Variants in ATP6V1C2 observed in about 807,000 individuals in gnomAD.
ATP6V1C2 encodes ATPase H+ transporting V1 subunit C2.
In ATP6V1C2, 45 loss-of-function variants were observed where a neutral mutation model predicts 56.8. The ratio of observed to expected loss-of-function variants is 0.79; its 90% CI spans 0.62 to 1.02. The LOEUF is 1.02. Ranked by LOEUF, ATP6V1C2 falls within the 50% of genes least tolerant of loss-of-function variation. The pLI, the probability that ATP6V1C2 is intolerant of heterozygous loss-of-function variation, is 0.00. For missense variants in ATP6V1C2, 463 were observed against 519.7 expected, an observed-to-expected ratio of 0.89 and a Z score of 1.06; for synonymous variants, 220 against 201.3, an observed-to-expected ratio of 1.09 and a Z score of -0.79.
chr2:10,754,857 G>A (rs929228509), intron 4 of ATP6V1C2, among the ~76,000 whole-genome samples: 3 of 152,116 alleles, frequency 2.0e-5, no homozygotes, highest in South Asian at 2.1e-4. Context: ...GATTACAGGC[G>A]TGAGCCACCG....
intron 3 of ATP6V1C2, among the ~76,000 whole-genome samples, chr2:10,735,637 A>G (rs1396004757): frequency 6.8e-6 from 1 of 146,556 alleles, no homozygotes. Flanking sequence ...TCTGTCACCC[A>G]TGCTAGTGTT....
At position 10,754,022 on chromosome 2, in the gene ATP6V1C2, A is replaced by C; in HGVS notation, c.239A>C (p.Glu80Ala). ...RMAQSVVEVM[E>A]DSKGKVQEHL... Reference sequence around the variant, plus strand: ...GCTCAGAGCGTGGTGGAAGTCATGGAGGACTCAAAGGGGAAGGTCCAGGAG... The same window carrying C: ...GCTCAGAGCGTGGTGGAAGTCATGGCGGACTCAAAGGGGAAGGTCCAGGAG... Residue 80 changes from glutamate (E) to alanine (A), a missense_variant, in exon 4 of 14, where the codon GAG (glutamate) becomes GCG (alanine). Glu to Ala is a moderately radical substitution (Grantham distance 107). Coordinates refer to ENST00000272238, the MANE Select transcript of ATP6V1C2 (RefSeq NM_001039362.2). 6.2e-7 allele frequency: 1 copy of C among 1,607,992 alleles called. No individual in the cohort carries two copies. Among genetic ancestry groups the C allele is most frequent in the Non-Finnish European group, 8.5e-7 (1 of 1,176,660 alleles).
intron 4 of ATP6V1C2, 104 bp downstream of exon 4, chr2:10,754,170 C>A: frequency 1.1e-6 from 1 of 874,480 alleles, no homozygotes; most frequent in Non-Finnish European, 1.8e-6. Flanking sequence ...TGGCCCAGGT[C>A]TCAGTGGATG....
At chr2:10,775,124 A>G in intron 10 of ATP6V1C2, 53 bp downstream of exon 10, 1 of 1,381,440 alleles carries the variant, frequency 7.2e-7, no homozygotes, top group South Asian at 1.2e-5. Context: ...GCCTGGGGAT[A>G]GAAGAGTCCT....
intron 3 of ATP6V1C2, 144 bp from the exon 4 acceptor site, chr2:10,753,837 A>G: frequency 2.9e-6 from 2 of 687,316 alleles, no homozygotes; most frequent in South Asian, 3.5e-5. Context: ...CCCGGCCGCT[A>G]TTGGCATTTT....
At chr2:10,743,520 G>T (rs1662678127) in intron 3 of ATP6V1C2, among the ~76,000 whole-genome samples, 1 of 151,736 alleles carries the variant, frequency 6.6e-6, no homozygotes, top group African/African-American at 2.4e-5. Context: ...CACAAAATAT[G>T]GTGTTTGTAG....
At chr2:10,754,104 C>G in intron 4 of ATP6V1C2, 38 bp downstream of exon 4, 1 of 1,532,720 alleles carries the variant, frequency 6.5e-7, no homozygotes, top group South Asian at 1.2e-5. Context: ...GCACAATCTC[C>G]CCGCTCCCTC....
chr2:10,773,386 C>G (rs908751055), intron 8 of ATP6V1C2, among the ~76,000 whole-genome samples: 4 of 152,006 alleles, frequency 2.6e-5, no homozygotes, highest in Non-Finnish European at 5.9e-5. Context: ...CAAAGCTGCG[C>G]GTTTTCCTTT....
intron 3 of ATP6V1C2, among the ~76,000 whole-genome samples, chr2:10,742,449 T>A (rs376888446): frequency 1.3e-5 from 2 of 152,122 alleles, no homozygotes; most frequent in Admixed American, 6.6e-5. Context: ...AGACACTGTG[T>A]CTTAAGGCTA....
At chr2:10,734,517 A>G (rs983321527) in intron 3 of ATP6V1C2, among the ~76,000 whole-genome samples, 1 of 152,214 alleles carries the variant, frequency 6.6e-6, no homozygotes. Context: ...AGAGGGAAGC[A>G]TCCTGGGTTA....
intron 4 of ATP6V1C2, among the ~76,000 whole-genome samples, chr2:10,758,684 G>A (rs1368576846): frequency 6.7e-6 from 1 of 150,030 alleles, no homozygotes; most frequent in South Asian, 2.1e-4. Flanking sequence ...TTCTTTTTGA[G>A]ACGGAGTCTT....
At chr2:10,743,475 G>A (rs1338578326) in intron 3 of ATP6V1C2, among the ~76,000 whole-genome samples, 1 of 151,718 alleles carries the variant, frequency 6.6e-6, no homozygotes, top group Non-Finnish European at 1.5e-5. Context: ...ACATTGAAAT[G>A]GCTTCCTGTC....
chr2:10,780,516 C>G lies in ATP6V1C2; in HGVS notation c.1062-1727C>G, dbSNP rs1314307478. Among the ~76,000 whole-genome samples, 1 of 152,228 alleles carries G rather than the reference C, an allele frequency of 6.6e-6. No individual in the cohort carries two copies. The highest frequency in any genetic ancestry group is 6.5e-5 in the Admixed American group (1 of 15,288). On this transcript the variant is annotated intron_variant, in intron 12 of 13. Transcript: ENST00000272238. This position sits in a 1 kb window ranked among gnomAD's most constrained non-coding sequence, Gnocchi z 4.1. Reference sequence around the variant, plus strand: ...CCCATGCGCACCTGTGCACGCCCATCTCAAAAGCCTGTACCGACACGGATG... The same window carrying G: ...CCCATGCGCACCTGTGCACGCCCATGTCAAAAGCCTGTACCGACACGGATG...
At chr2:10,767,173 T>G (rs1244143390) in intron 5 of ATP6V1C2, among the ~76,000 whole-genome samples, 2 of 145,974 alleles carry the variant, frequency 1.4e-5, no homozygotes, top group Non-Finnish European at 1.5e-5. Flanking sequence ...TTTTTTTTTT[T>G]TTTTTGAGGC....
intron 3 of ATP6V1C2, among the ~76,000 whole-genome samples, chr2:10,752,224 T>G (rs1349638751): frequency 6.6e-6 from 1 of 152,236 alleles, no homozygotes; most frequent in East Asian, 1.9e-4. Context: ...TTTTCCATTC[T>G]TGACCATAAA....
intron 4 of ATP6V1C2, among the ~76,000 whole-genome samples, chr2:10,759,714 C>G (rs1024092970): frequency 5.9e-5 from 9 of 152,138 alleles, no homozygotes; most frequent in African/African-American, 2.2e-4. Flanking sequence ...CACGGTGGCT[C>G]ACGCCTGTAA....
Position 10,763,409 on chromosome 2 carries a change from G to T in ATP6V1C2, c.284-922G>T, listed in dbSNP as rs1228813000. Among the ~76,000 whole-genome samples, 1 of 152,204 alleles carries T rather than the reference G, an allele frequency of 6.6e-6. No homozygotes were observed. Among genetic ancestry groups the T allele is most frequent in the Non-Finnish European group, 1.5e-5 (1 of 68,040 alleles). Reference sequence around the variant, plus strand: ...CACTGGGCCCCCAGCTCTCTGCGGTGTGTCTGCCTAGGGGTCTCCCTGTGG... The same window carrying T: ...CACTGGGCCCCCAGCTCTCTGCGGTTTGTCTGCCTAGGGGTCTCCCTGTGG... On this transcript the variant is annotated intron_variant, in intron 4 of 13. Coordinates refer to ENST00000272238, the MANE Select transcript of ATP6V1C2 (RefSeq NM_001039362.2). The surrounding 1 kb of genome is among the most constrained non-coding windows in gnomAD (Gnocchi z 4.2).
rs150280505 is a variant in ATP6V1C2 at position 10,726,718 on chromosome 2, G to A, written c.197+149G>A. On this transcript the variant is annotated intron_variant, in intron 3 of 13. Transcript: ENST00000272238. The stretch of plus-strand genomic sequence containing the variant: ...GAGAAAACCGATCAGTCCCCCTGCG[G>A]GTGCTGGGTCTGCAGGAGCCCGCCT... The A allele has an allele frequency of 6.0e-5, 43 of 718,908 alleles. No individual in the cohort carries two copies. In the East Asian group the frequency reaches 1.1e-3, roughly 19 times the overall value. The allele number at this position is 718,908 out of a possible 1,614,324, so 44.5% of individuals were successfully genotyped here.
At chr2:10,764,863 C>T (rs1411900857) in intron 5 of ATP6V1C2, among the ~76,000 whole-genome samples, 10 of 152,016 alleles carry the variant, frequency 6.6e-5, no homozygotes, top group East Asian at 1.9e-4. Context: ...CCTTGCTGCT[C>T]GGGAGGTTGA....
Sources: allele counts gnomAD v4.1 joint callset (sites outside exome capture counted in the v4.1 genomes callset), GRCh38; gene constraint gnomAD v4.1.1; non-coding constraint Gnocchi (gnomAD v3.1); transcripts MANE v1.5; gene names NCBI Gene and HGNC (gene_info 2026-07-23, HGNC 2026-07-21).